Variants in EPSTI1 observed in about 807,000 individuals in gnomAD.
EPSTI1 encodes epithelial-stromal interaction protein 1.
Under a neutral mutation model 49.9 loss-of-function variants are expected in EPSTI1, and 66 were observed. The observed-to-expected ratio is 1.32, with a 90% CI of 1.08 to 1.62. EPSTI1 has a LOEUF of 1.62. Ranked by LOEUF, EPSTI1 falls within the 40% of genes most tolerant of loss-of-function variation. The pLI is 0.00. For synonymous variants in EPSTI1, 137 were observed against 130.7 expected, an observed-to-expected ratio of 1.05 and a Z score of -0.33; for missense variants, 394 against 365.5, an observed-to-expected ratio of 1.08 and a Z score of -0.64.
At chr13:42,968,961 T>C (rs1171331766) in intron 3 of EPSTI1, 133 bp downstream of exon 3, 49 of 657,264 alleles carry the variant, frequency 7.5e-5, no homozygotes, top group Non-Finnish European at 1.2e-4. Flanking sequence ...CACAATTAAA[T>C]GCATTCCACC....
rs1243949951 is a variant in EPSTI1 at position 42,966,691 on chromosome 13, T to TG, written c.331+2402dup. 6.7e-5 allele frequency among the ~76,000 whole-genome samples: 5 copies of TG among 74,852 alleles called. 2 individuals carry two copies. Among genetic ancestry groups the TG allele is most frequent in the African/African-American group, 1.3e-4 (3 of 23,650 alleles). The allele number at this position is 74,852 out of a possible 152,430, so 49.1% of individuals were successfully genotyped here. A position where few individuals can be genotyped will look rare whatever the true frequency, so the allele number is the denominator to read the frequency against. ...GCAGCCACCCCGGCCGGGAGGGAGG[T>TG]GGGGGGGTCAGCCCCCCGCCCGGCC... On this transcript the variant is annotated intron_variant, in intron 3 of 10. Coordinates refer to ENST00000313624, the MANE Select transcript of EPSTI1 (RefSeq NM_033255.5).
At chr13:42,916,648 G>C (rs1262152912) in intron 8 of EPSTI1, among the ~76,000 whole-genome samples, 3 of 152,142 alleles carry the variant, frequency 2.0e-5, no homozygotes, top group African/African-American at 7.2e-5. Flanking sequence ...TAGAATTCTA[G>C]TTAATTATAG....
At position 42,900,535 on chromosome 13, in the gene EPSTI1, T is replaced by C. The variant is rs143282676; in HGVS notation, c.742-152A>G. 46 of 712,018 alleles carry C rather than the reference T, an allele frequency of 6.5e-5. No individual in the cohort carries two copies. The East Asian group carries it at 1.3e-3, about 20-fold the overall frequency. 44.1% of individuals were successfully genotyped at this position (712,018 alleles called of 1,614,324 possible). On this transcript the variant is annotated intron_variant, in intron 8 of 10. Coordinates refer to ENST00000313624, the MANE Select transcript of EPSTI1 (RefSeq NM_033255.5). ...ACTATTTGGATGTGAAATTATTTTC[T>C]TATATACGTAGGTAGCAAATAACTG... is the stretch of plus-strand genomic sequence containing the variant.
At position 42,917,539 on chromosome 13, in the gene EPSTI1, A is replaced by T. The variant is rs1442105767; in HGVS notation, c.741+2T>A. Reference sequence around the variant, plus strand: ...CAATAACTAGTAGGGGCTTGTAAGTACCTTTTGATGTTGTTCATCCTTCAT... The same window carrying T: ...CAATAACTAGTAGGGGCTTGTAAGTTCCTTTTGATGTTGTTCATCCTTCAT... On this transcript the variant is annotated splice_donor_variant, in intron 8 of 10. Coordinates refer to ENST00000313624, the MANE Select transcript of EPSTI1 (RefSeq NM_033255.5). LOFTEE classifies it high-confidence loss of function. 1 of 1,584,110 alleles carries T rather than the reference A, an allele frequency of 6.3e-7. No individual in the cohort carries two copies. The highest frequency in any genetic ancestry group is 8.6e-7 in the Non-Finnish European group (1 of 1,160,896).
chr13:42,898,108 T>G (rs1026152776), intron 9 of EPSTI1, among the ~76,000 whole-genome samples: 1 of 152,226 alleles, frequency 6.6e-6, no homozygotes, highest in Non-Finnish European at 1.5e-5. Context: ...TAGGTGCAGG[T>G]GCACTCAAGC....
At position 42,964,101 on chromosome 13, in the gene EPSTI1, G is replaced by A. The variant is rs780854455; in HGVS notation, c.370C>T (p.Gln124Ter). 1 of 1,613,394 alleles carries A rather than the reference G, an allele frequency of 6.2e-7. No homozygotes were observed. The highest frequency in any genetic ancestry group is 1.7e-5 in the Admixed American group (1 of 59,958). ...QSETEVRQKQ[Q>*]LQLMQSKYKQ... The stretch of plus-strand genomic sequence containing the variant: ...TATTTAGATTGCATCAGCTGGAGTT[G>A]TTGTTTCTGTCTGACTTCAGTTTCT... Residue 124 changes from glutamine to a stop codon, truncating the protein, a stop_gained, in exon 4 of 11, where the codon CAA becomes TAA. Transcript: ENST00000313624. LOFTEE classifies it high-confidence loss of function.
chr13:42,967,620 A>G (rs891040118), intron 3 of EPSTI1, among the ~76,000 whole-genome samples: 3 of 152,248 alleles, frequency 2.0e-5, no homozygotes, highest in Non-Finnish European at 4.4e-5. Flanking sequence ...GAGTCTACCA[A>G]GAGCCAACAG....
At chr13:42,905,305 G>A (rs1395758530) in intron 8 of EPSTI1, among the ~76,000 whole-genome samples, 4 of 152,140 alleles carry the variant, frequency 2.6e-5, no homozygotes, top group African/African-American at 7.2e-5. Context: ...CCAGATGGCC[G>A]AAGGGAAGGT....
chr13:42,901,603 T>C lies in EPSTI1; in HGVS notation c.742-1220A>G, dbSNP rs141745070. Among the ~76,000 whole-genome samples the C allele has an allele frequency of 4.8e-3, 724 of 152,340 alleles. 5 individuals carry two copies. Among genetic ancestry groups the C allele is most frequent in the Non-Finnish European group, 7.7e-3 (522 of 68,036 alleles). ...ACTCTTGCACAATAGGATCATTTTTTAGTCTACCAAATATTAGTACTCTTT... is the reference window on the plus strand; with the variant it reads ...ACTCTTGCACAATAGGATCATTTTTCAGTCTACCAAATATTAGTACTCTTT... On this transcript the variant is annotated intron_variant, in intron 8 of 10. Transcript: ENST00000313624.
intron 1 of EPSTI1, among the ~76,000 whole-genome samples, chr13:42,986,223 A>G (rs1359707019): frequency 1.3e-5 from 2 of 152,236 alleles, no homozygotes; most frequent in Admixed American, 1.3e-4. Context: ...GACAATCTGA[A>G]TAACAAGTTT....
At chr13:42,978,652 A>G (rs1282153950) in intron 1 of EPSTI1, among the ~76,000 whole-genome samples, 1 of 152,210 alleles carries the variant, frequency 6.6e-6, no homozygotes, top group Non-Finnish European at 1.5e-5. Context: ...CATTATTTGT[A>G]TTAGATCATC....
At chr13:42,941,582 T>C (rs761559416) in intron 6 of EPSTI1, among the ~76,000 whole-genome samples, 12 of 150,406 alleles carry the variant, frequency 8.0e-5, no homozygotes, top group Non-Finnish European at 1.3e-4. Context: ...GTCATGCCAC[T>C]GTACTCTAGC....
intron 1 of EPSTI1, among the ~76,000 whole-genome samples, chr13:42,974,987 T>C (rs2039853593): frequency 3.9e-5 from 6 of 152,042 alleles, no homozygotes; most frequent in Admixed American, 3.9e-4. Flanking sequence ...ACATGTAAAG[T>C]CTACAGTCCT....
At chr13:42,939,138 A>G (rs1343769243) in intron 6 of EPSTI1, among the ~76,000 whole-genome samples, 1 of 152,096 alleles carries the variant, frequency 6.6e-6, no homozygotes, top group African/African-American at 2.4e-5. Flanking sequence ...TCATAGAATT[A>G]AACAGTGTTA....
intron 1 of EPSTI1, among the ~76,000 whole-genome samples, chr13:42,984,057 C>T (rs1316901428): frequency 6.6e-6 from 1 of 152,172 alleles, no homozygotes; most frequent in Non-Finnish European, 1.5e-5. Flanking sequence ...CTCATTGAGA[C>T]ATGTCATTAG....
At chr13:42,930,117 C>A (rs1213135382) in intron 6 of EPSTI1, among the ~76,000 whole-genome samples, 1 of 152,192 alleles carries the variant, frequency 6.6e-6, no homozygotes, top group African/African-American at 2.4e-5. Context: ...TATCTTAAGT[C>A]TACATGACTC....
At chr13:42,908,934 A>C (rs1056435816) in intron 8 of EPSTI1, among the ~76,000 whole-genome samples, 4 of 151,344 alleles carry the variant, frequency 2.6e-5, no homozygotes, top group African/African-American at 9.7e-5. Flanking sequence ...AATACAAAAA[A>C]AAAAAAAAAA....
At chr13:42,980,857 A>G (rs184488941) in intron 1 of EPSTI1, among the ~76,000 whole-genome samples, 60 of 152,338 alleles carry the variant, frequency 3.9e-4, no homozygotes, top group African/African-American at 1.4e-3. Flanking sequence ...GAGTTTTTAT[A>G]ACAAGCAGAT....
At chr13:42,968,994 AACT>A in intron 3 of EPSTI1, 97 bp downstream of exon 3, 3 of 1,139,546 alleles carry the variant, frequency 2.6e-6, no homozygotes, top group Non-Finnish European at 3.9e-6. Context: ...TGACCAAACA[AACT>A]ACAATGGACA....
Sources: allele counts gnomAD v4.1 joint callset (sites outside exome capture counted in the v4.1 genomes callset), GRCh38; gene constraint gnomAD v4.1.1; transcripts MANE v1.5; gene names NCBI Gene and HGNC (gene_info 2026-07-23, HGNC 2026-07-21).